LRRTM1: variants seen among roughly 807,000 people sequenced by gnomAD.
LRRTM1 encodes leucine-rich repeat transmembrane neuronal protein 1.
In LRRTM1, 8 loss-of-function variants were observed where a neutral mutation model predicts 37.3. That is an observed-to-expected ratio of 0.21 (90% CI 0.13 to 0.39). The LOEUF (loss-of-function observed/expected upper bound fraction) is 0.39, where lower values mean the gene tolerates loss of function less well. Ranked by LOEUF, LRRTM1 falls within the 10% of genes least tolerant of loss-of-function variation. The pLI, the probability that LRRTM1 is intolerant of heterozygous loss-of-function variation, is 1.00. For synonymous variants in LRRTM1, 326 were observed against 316.8 expected (o/e 1.03, Z -0.31); for missense variants, 557 against 691.0 (o/e 0.81, Z 2.17).
Position 80,303,802 on chromosome 2 carries a change from G to A in LRRTM1, c.18C>T (p.Leu6=). ...TCAGCAGCCAGTATAGACAGAGACC[G>A]AGCAGCAGGAAATCCATTAGCGAGA... MDFLL[L]GLCLYWLLRR... is the part of the protein sequence containing the mutation. Residue 6 remains leucine (L), a synonymous_variant, in exon 2 of 2, where the codon CTC becomes CTT. Transcript: ENST00000295057. This position sits in a 1 kb window ranked among gnomAD's most constrained non-coding sequence, Gnocchi z 7.7. 1 of 1,513,764 alleles carries A rather than the reference G, an allele frequency of 6.6e-7. No individual in the cohort carries two copies. The highest frequency in any genetic ancestry group is 8.8e-7 in the Non-Finnish European group (1 of 1,131,646). The allele number at this position is 1,513,764 out of a possible 1,614,324, so 93.8% of individuals were successfully genotyped here.
In LRRTM1 at chr2:80,302,808, C is replaced by T. The variant is rs61734034; in HGVS notation, c.1012G>A (p.Gly338Ser). ...TCCGGGCTGGCGCACTGCAAGTTGC[C>T]ATCGTAGCGCCCCTGGAAGTTGTTG... The part of the protein sequence containing the change: ...WLNNFQGRYD[G>S]NLQCASPEYA... Residue 338 changes from glycine (G) to serine (S), a missense_variant, in exon 2 of 2, where the codon GGC becomes AGC. Physicochemically the swap from Gly to Ser is moderately conservative, Grantham distance 56. This residue lies in a region of LRRTM1 where 200 missense variants were observed against 249.9 expected (regional missense o/e 0.80). Transcript: ENST00000295057. This position sits in a 1 kb window ranked among gnomAD's most constrained non-coding sequence, Gnocchi z 6.4. 2.8e-3 allele frequency: 4,454 copies of T among 1,613,858 alleles called. 93 individuals are homozygous for T. In the African/African-American group the frequency reaches 0.045, roughly 16 times the overall value.
intron 2 of LRRTM1, among the ~76,000 whole-genome samples, chr2:80,293,352 T>C (rs1421766573): frequency 6.6e-6 from 1 of 152,212 alleles, no homozygotes; most frequent in Non-Finnish European, 1.5e-5. Flanking sequence ...CTGCTACACA[T>C]AGTTTGCAAT....
At chr2:80,292,323 T>C (rs1263196422) in intron 2 of LRRTM1, among the ~76,000 whole-genome samples, 2 of 152,110 alleles carry the variant, frequency 1.3e-5, no homozygotes, top group Non-Finnish European at 2.9e-5. Context: ...GAAAGGTTAA[T>C]TGCCTTGCCA....
chr2:80,298,120 AGTGTGT>A (rs915662951), downstream of LRRTM1: 1 of 151,632 alleles, frequency 6.6e-6, no homozygotes, highest in Non-Finnish European at 1.5e-5. Flanking sequence ...GAGAGGTAGG[AGTGTGT>A]GTGTATATTT....
chr2:80,303,150 C>A lies in LRRTM1; in HGVS notation c.670G>T (p.Val224Leu), dbSNP rs964847233. The A allele has an allele frequency of 1.2e-6, 2 of 1,614,002 alleles. No individual in the cohort carries two copies. Among genetic ancestry groups the A allele is most frequent in the African/African-American group, 2.7e-5 (2 of 74,914 alleles). ...AGGCGCGGGAAGTGGGCGAAGTTCA[C>A]CTTGACCAAGTCGTTGTGCTCGAGG... ...LHLEHNDLVK[V>L]NFAHFPRLIS... Residue 224 changes from valine (V) to leucine (L), a missense_variant, in exon 2 of 2, where the codon GTG (valine) becomes TTG (leucine). By Grantham distance (32) the Val-to-Leu change is conservative (BLOSUM62 1). Around this residue, in one of 5 missense-constraint regions of LRRTM1, gnomAD observed 200 missense variants for 249.9 expected, o/e 0.80. Transcript: ENST00000295057. The surrounding 1 kb of genome is among the most constrained non-coding windows in gnomAD (Gnocchi z 7.7).
chr2:80,300,146 C>G (rs959831072), downstream of LRRTM1, among the ~76,000 whole-genome samples: 6 of 152,074 alleles, frequency 3.9e-5, no homozygotes, highest in Admixed American at 3.3e-4. Flanking sequence ...AGTTATCAAA[C>G]AAAGCACCTC....
At chr2:80,290,416 GA>G (rs979637934) in intron 2 of LRRTM1, among the ~76,000 whole-genome samples, 1 of 151,622 alleles carries the variant, frequency 6.6e-6, no homozygotes, top group Non-Finnish European at 1.5e-5. Flanking sequence ...CCGTGGGTAA[GA>G]AAAAAAACAG....
downstream of LRRTM1, chr2:80,299,742 C>G (rs1676072591): frequency 6.6e-6 from 1 of 152,156 alleles, no homozygotes; most frequent in South Asian, 2.1e-4. Context: ...AGGAGATAAA[C>G]TACAGTTTCC....
downstream of LRRTM1, among the ~76,000 whole-genome samples, chr2:80,301,000 A>T (rs1045218763): frequency 9.2e-5 from 14 of 152,054 alleles, no homozygotes; most frequent in Non-Finnish European, 1.9e-4. Flanking sequence ...ATCTGAGAAG[A>T]GGCAGCTTTT....
At position 80,302,326 on chromosome 2, in the gene LRRTM1, C is replaced by T. The variant is rs149883491; in HGVS notation, c.1494G>A (p.Glu498=). The stretch of plus-strand genomic sequence containing the variant: ...ACTCGTTGATGATCACCAGGGCTCC[C>T]TCAATGTGGTTCGGTTTGTAATCAA... The part of the protein sequence containing the change: ...YYVDYKPNHI[E]GALVIINEYG... Residue 498 remains glutamate, a synonymous_variant, in exon 2 of 2, where the codon GAG becomes GAA. Coordinates refer to ENST00000295057, the MANE Select transcript of LRRTM1 (RefSeq NM_178839.5). The surrounding 1 kb of genome is among the most constrained non-coding windows in gnomAD (Gnocchi z 6.4). 1.2e-6 allele frequency: 2 copies of T among 1,614,212 alleles called. No homozygotes were observed. The highest frequency in any genetic ancestry group is 8.5e-7 in the Non-Finnish European group (1 of 1,180,034).
At chr2:80,299,928 G>A (rs908877595), downstream of LRRTM1, among the ~76,000 whole-genome samples, 2 of 152,054 alleles carry the variant, frequency 1.3e-5, no homozygotes, top group South Asian at 2.1e-4. Flanking sequence ...TTAAGTTCAC[G>A]GAATCCAAGG....
At position 80,304,624 on chromosome 2, in the gene LRRTM1, G is replaced by GGCGGGCGGCGGGCGGTGGGGAGGT. The variant is rs1326872631; in HGVS notation, c.-556_-533dup. 4 of 152,768 alleles carry GGCGGGCGGCGGGCGGTGGGGAGGT rather than the reference G, an allele frequency of 2.6e-5. No individual in the cohort carries two copies. Among genetic ancestry groups the GGCGGGCGGCGGGCGGTGGGGAGGT allele is most frequent in the African/African-American group, 9.7e-5 (4 of 41,404 alleles). 9.5% of individuals were successfully genotyped at this position (152,768 alleles called of 1,614,324 possible). A position where few individuals can be genotyped will look rare whatever the true frequency, so the allele number is the denominator to read the frequency against. ...CACTCATGCTTTGCGGGCGGCGGGCGGCGGGCGGCGGGCGGTGGGGAGGTG... is the reference window on the plus strand; with the variant it reads ...CACTCATGCTTTGCGGGCGGCGGGCGGCGGGCGGCGGGCGGTGGGGAGGTGCGGGCGGCGGGCGGTGGGGAGGTG... On this transcript the variant is annotated 5_prime_UTR_variant, in exon 1 of 2. Coordinates refer to ENST00000295057, the MANE Select transcript of LRRTM1 (RefSeq NM_178839.5).
In LRRTM1 at chr2:80,302,961, G is replaced by A; in HGVS notation, c.859C>T (p.Leu287=). ...ATGTAGGTGAGGCGGTTGGAGTCCAGCTGCAGGGACTGCAGGTGCGGCACG... is the reference window on the plus strand; with the variant it reads ...ATGTAGGTGAGGCGGTTGGAGTCCAACTGCAGGGACTGCAGGTGCGGCACG... ...ETVPHLQSLQ[L]DSNRLTYIEP... The change falls in exon 2 of 2, where the codon CTG becomes TTG. Residue 287 remains leucine (L), a synonymous_variant. Coordinates refer to ENST00000295057, the MANE Select transcript of LRRTM1 (RefSeq NM_178839.5). The surrounding 1 kb of genome is among the most constrained non-coding windows in gnomAD (Gnocchi z 6.4). 6.2e-7 allele frequency: 1 copy of A among 1,613,934 alleles called. No homozygotes were observed. The highest frequency in any genetic ancestry group is 8.5e-7 in the Non-Finnish European group (1 of 1,179,996).
At chr2:80,295,210 G>A (rs1222686630) in intron 2 of LRRTM1, among the ~76,000 whole-genome samples, 1 of 147,422 alleles carries the variant, frequency 6.8e-6, no homozygotes, top group Non-Finnish European at 1.5e-5. Context: ...ATGTCATTTT[G>A]AGAGTCCTGA....
At chr2:80,288,769 T>A (rs1434288159) in exon 3 of LRRTM1, 1 of 152,168 alleles carries the variant, frequency 6.6e-6, no homozygotes, top group Non-Finnish European at 1.5e-5. Flanking sequence ...GAGCTGGGCC[T>A]GGTAGAAAAT....
chr2:80,303,970 C>A lies in LRRTM1; in HGVS notation c.-59-92G>T. On this transcript the variant is annotated intron_variant, in intron 1 of 1. Coordinates refer to ENST00000295057, the MANE Select transcript of LRRTM1 (RefSeq NM_178839.5). The surrounding 1 kb of genome is among the most constrained non-coding windows in gnomAD (Gnocchi z 7.7). Reference sequence around the variant, plus strand: ...AAATACATAGAAATAAAGAAGGACCCCCCTCCCCAAAAACCACACGTTCAC... The same window carrying A: ...AAATACATAGAAATAAAGAAGGACCACCCTCCCCAAAAACCACACGTTCAC... 1 of 924,182 alleles carries A rather than the reference C, an allele frequency of 1.1e-6. No individual in the cohort carries two copies. The highest frequency in any genetic ancestry group is 1.5e-6 in the Non-Finnish European group (1 of 656,280). 57.2% of individuals were successfully genotyped at this position (924,182 alleles called of 1,614,324 possible). A position where few individuals can be genotyped will look rare whatever the true frequency, so the allele number is the denominator to read the frequency against.
chr2:80,290,898 G>A (rs1435064001), intron 2 of LRRTM1, among the ~76,000 whole-genome samples: 7 of 152,162 alleles, frequency 4.6e-5, no homozygotes, highest in East Asian at 1.9e-4. Flanking sequence ...CAGCAATGAC[G>A]TAAAACACTA....
At chr2:80,300,275 T>G (rs1171922316), downstream of LRRTM1, among the ~76,000 whole-genome samples, 1 of 118,564 alleles carries the variant, frequency 8.4e-6, no homozygotes, top group Admixed American at 9.0e-5. Flanking sequence ...TGAGCTGGGG[T>G]GTTGGGGTGT....
downstream of LRRTM1, among the ~76,000 whole-genome samples, chr2:80,301,508 T>C (rs1340800309): frequency 2.0e-5 from 3 of 152,312 alleles, no homozygotes; most frequent in East Asian, 5.8e-4. Flanking sequence ...AGAAACTGTC[T>C]GGCATTGCTT....
Sources: gnomAD v4.1 joint callset for allele counts (sites outside exome capture counted in the v4.1 genomes callset) on GRCh38, gnomAD v4.1.1 for gene constraint, gnomAD v4.1.1 regional missense constraint, Gnocchi (gnomAD v3.1) non-coding constraint, MANE v1.5 for transcripts, NCBI Gene and HGNC (gene_info 2026-07-23, HGNC 2026-07-21) for gene names.